Variants in RFX3 observed in about 807,000 individuals in gnomAD.
RFX3 encodes regulatory factor X3, also known as transcription factor RFX3.
RFX3 carries 14 observed loss-of-function variants against 98.6 expected under a neutral mutation model. The ratio of observed to expected loss-of-function variants is 0.14; its 90% CI spans 0.09 to 0.22. RFX3 has a LOEUF of 0.22. RFX3 is among the 10% of genes least tolerant of loss of function. The pLI is 1.00. For synonymous variants in RFX3, 383 were observed against 328.4 expected (o/e 1.17, Z -1.80); for missense variants, 639 against 926.9 (o/e 0.69, Z 4.03).
intron 1 of RFX3, among the ~76,000 whole-genome samples, chr9:3,397,026 C>A (rs1175681613): frequency 2.0e-5 from 3 of 152,094 alleles, no homozygotes; most frequent in African/African-American, 7.2e-5. Context: ...AAGATAGCCC[C>A]AAATCCATAA....
chr9:3,335,407 T>C (rs1458241370), intron 3 of RFX3, among the ~76,000 whole-genome samples: 3 of 152,206 alleles, frequency 2.0e-5, no homozygotes, highest in East Asian at 3.8e-4. Context: ...TCAGCTCATC[T>C]TTTATATTGT....
chr9:3,399,455 A>T (rs186208558), intron 1 of RFX3, among the ~76,000 whole-genome samples: 61 of 152,104 alleles, frequency 4.0e-4, no homozygotes, highest in African/African-American at 1.4e-3. Context: ...AAAACAAAAA[A>T]CAAAAAAGAA....
chr9:3,347,900 G>C (rs1834623671), intron 2 of RFX3, among the ~76,000 whole-genome samples: 1 of 152,158 alleles, frequency 6.6e-6, no homozygotes. Flanking sequence ...TAAGAGATAG[G>C]AATTGTTTTT....
rs545571222 is a variant in RFX3, at chr9:3,390,126, A to G, written c.117+5346T>C. On this transcript the variant is annotated intron_variant, in intron 2 of 16. Transcript: ENST00000617270. ...TGAAATTTTCTGGTTTCTCATTGATATGGTTTGCCTGTGTCCTCACCCAAA... is the reference window on the plus strand; with the variant it reads ...TGAAATTTTCTGGTTTCTCATTGATGTGGTTTGCCTGTGTCCTCACCCAAA... 2.9e-4 allele frequency among the ~76,000 whole-genome samples: 44 copies of G among 152,286 alleles called. No homozygotes were observed. In the South Asian group the frequency reaches 9.1e-3, roughly 32 times the overall value.
At chr9:3,492,351 C>T (rs572807338) in intron 1 of RFX3, among the ~76,000 whole-genome samples, 9 of 152,308 alleles carry the variant, frequency 5.9e-5, no homozygotes, top group African/African-American at 1.9e-4. Flanking sequence ...CCAGCACAAC[C>T]GTGAGACTCA....
chr9:3,290,517 G>C (rs1827201975), intron 6 of RFX3, among the ~76,000 whole-genome samples: 1 of 152,050 alleles, frequency 6.6e-6, no homozygotes, highest in South Asian at 2.1e-4. Flanking sequence ...CATAACTACA[G>C]AGCCACCAGC....
chr9:3,319,397 T>C (rs144688755), intron 4 of RFX3, among the ~76,000 whole-genome samples: 1 of 152,158 alleles, frequency 6.6e-6, no homozygotes, highest in East Asian at 1.9e-4. Context: ...AATGACTACT[T>C]AAGGGAATAT....
intron 3 of RFX3, among the ~76,000 whole-genome samples, chr9:3,344,247 G>C (rs1162045876): frequency 6.6e-6 from 1 of 152,118 alleles, no homozygotes; most frequent in Admixed American, 6.6e-5. Flanking sequence ...AAGCACTTTT[G>C]ATAAACTGAG....
chr9:3,411,499 G>A (rs1196296680), intron 1 of RFX3, among the ~76,000 whole-genome samples: 3 of 151,810 alleles, frequency 2.0e-5, no homozygotes, highest in Admixed American at 2.0e-4. Flanking sequence ...ACAGGCACCC[G>A]CCACCAGACT....
rs182195575 is a variant in RFX3, at chr9:3,490,308, G to A, written c.-9+35439C>T. The A allele has an allele frequency of 4.5e-5, 44 of 983,408 alleles. 1 individual carries two copies. In the African/African-American group the frequency reaches 6.8e-4, roughly 15 times the overall value. The allele number at this position is 983,408 out of a possible 1,614,324, so 60.9% of individuals were successfully genotyped here. A position where few individuals can be genotyped will look rare whatever the true frequency, so the allele number is the denominator to read the frequency against. The stretch of plus-strand genomic sequence containing the variant: ...TATTCCTTCCAGAGCCAAACTCAAC[G>A]TATTCTCTACCATAAAATGCCAGAA... On this transcript the variant is annotated intron_variant, in intron 1 of 16. Transcript: ENST00000617270.
At chr9:3,316,423 T>A (rs961712990) in intron 4 of RFX3, among the ~76,000 whole-genome samples, 1 of 152,186 alleles carries the variant, frequency 6.6e-6, no homozygotes, top group Non-Finnish European at 1.5e-5. Context: ...AATATCATAC[T>A]GAATGGGCAA....
chr9:3,219,088 C>G lies in RFX3; in HGVS notation c.*5954G>C, dbSNP rs1817213568. The G allele has an allele frequency of 6.6e-6, 1 of 152,020 alleles. No individual in the cohort carries two copies. Among genetic ancestry groups the G allele is most frequent in the African/African-American group, 2.4e-5 (1 of 41,388 alleles). The allele number at this position is 152,020 out of a possible 1,614,324, so 9.4% of individuals were successfully genotyped here. On this transcript the variant is annotated 3_prime_UTR_variant, in exon 17 of 17. Transcript: ENST00000617270. Reference sequence around the variant, plus strand: ...AGGCACTCACTTAAAGTTTCTGTAACCAATGCATTGGTCACCACCATAGGT... The same window carrying G: ...AGGCACTCACTTAAAGTTTCTGTAAGCAATGCATTGGTCACCACCATAGGT...
At chr9:3,424,649 C>G (rs1173784370) in intron 1 of RFX3, among the ~76,000 whole-genome samples, 2 of 151,882 alleles carry the variant, frequency 1.3e-5, no homozygotes, top group Non-Finnish European at 2.9e-5. Context: ...CGTGAGCCAC[C>G]GCGCCCGGCC....
chr9:3,505,458 A>G (rs1221630895), intron 1 of RFX3, among the ~76,000 whole-genome samples: 2 of 143,676 alleles, frequency 1.4e-5, no homozygotes, highest in African/African-American at 5.0e-5. Context: ...TATAAAATAT[A>G]AAATAAAATA....
intron 1 of RFX3, among the ~76,000 whole-genome samples, chr9:3,510,966 T>A (rs920302069): frequency 2.0e-5 from 3 of 151,950 alleles, no homozygotes; most frequent in African/African-American, 7.3e-5. Context: ...TAAAATAAGA[T>A]CATTTAATTA....
At chr9:3,342,208 A>C (rs1165723253) in intron 3 of RFX3, among the ~76,000 whole-genome samples, 1 of 152,162 alleles carries the variant, frequency 6.6e-6, no homozygotes, top group Non-Finnish European at 1.5e-5. Flanking sequence ...ATTTTATTAG[A>C]TATTACTCAG....
At chr9:3,371,685 C>A (rs916704233) in intron 2 of RFX3, among the ~76,000 whole-genome samples, 3 of 152,056 alleles carry the variant, frequency 2.0e-5, no homozygotes, top group African/African-American at 7.2e-5. Flanking sequence ...GAAAGAGTAA[C>A]ATAAATTACT....
Position 3,288,184 on chromosome 9 carries a change from T to C in RFX3, c.798A>G (p.Gln266=). Residue 266 remains glutamine, a synonymous_variant, in exon 7 of 17, where the codon CAA becomes CAG. Transcript: ENST00000617270. ...TCATAGCCATATACTGCATGTCTTC[T>C]TGCAGACGATTAAGAGGGGAATCTG... ...VKPDSPLNRL[Q]EDMQYMAMRQ... is the part of the protein sequence containing the mutation. 2 of 1,612,128 alleles carry C rather than the reference T, an allele frequency of 1.2e-6. No homozygotes were observed. The highest frequency in any genetic ancestry group is 1.1e-5 in the South Asian group (1 of 91,036).
At chr9:3,404,353 C>CTA (rs1217476764) in intron 1 of RFX3, among the ~76,000 whole-genome samples, 2 of 152,070 alleles carry the variant, frequency 1.3e-5, no homozygotes, top group Non-Finnish European at 1.5e-5. Context: ...AGATTAAAGA[C>CTA]TATAGCCAAT....
Sources: allele counts gnomAD v4.1 joint callset (sites outside exome capture counted in the v4.1 genomes callset), GRCh38; gene constraint gnomAD v4.1.1; transcripts MANE v1.5; gene names NCBI Gene and HGNC (gene_info 2026-07-23, HGNC 2026-07-21).